Variants in PRPSAP2 observed in about 807,000 individuals in gnomAD.
PRPSAP2 encodes phosphoribosyl pyrophosphate synthase-associated protein 2.
In PRPSAP2, 24 loss-of-function variants were observed where a neutral mutation model predicts 40.6. The ratio of observed to expected loss-of-function variants is 0.59; its 90% CI spans 0.43 to 0.83. The LOEUF (loss-of-function observed/expected upper bound fraction) is 0.83. PRPSAP2 is among the 40% of genes least tolerant of loss of function. The pLI is 0.00. For missense variants in PRPSAP2, 292 were observed against 465.6 expected, an observed-to-expected ratio of 0.63 and a Z score of 3.43; for synonymous variants, 149 against 164.7, an observed-to-expected ratio of 0.90 and a Z score of 0.73.
intron 8 of PRPSAP2, among the ~76,000 whole-genome samples, chr17:18,897,968 G>A (rs971338275): frequency 7.0e-6 from 1 of 142,780 alleles, no homozygotes; most frequent in Non-Finnish European, 1.5e-5. Flanking sequence ...ATTTATAGCA[G>A]TATCAGGCTG....
rs2040790580 is a variant in PRPSAP2 at position 18,909,084 on chromosome 17, T to G, written c.585-2019T>G. ...AAAGCTGATTCTTTGAGAAAATCAA[T>G]GCAATTGATAAACCTTTATCCAGAC... On this transcript the variant is annotated intron_variant, in intron 8 of 11. Transcript: ENST00000268835. Among the ~76,000 whole-genome samples, 3 of 152,126 alleles carry G rather than the reference T, an allele frequency of 2.0e-5. No individual in the cohort carries two copies. The South Asian group carries it at 6.2e-4, about 32-fold the overall frequency.
intron 9 of PRPSAP2, among the ~76,000 whole-genome samples, chr17:18,912,607 T>C (rs1303910464): frequency 6.6e-6 from 1 of 152,164 alleles, no homozygotes; most frequent in Non-Finnish European, 1.5e-5. Flanking sequence ...AAATCAAATA[T>C]GGGTAAGACT....
chr17:18,917,931 T>C (rs2057720776), intron 9 of PRPSAP2, among the ~76,000 whole-genome samples: 1 of 152,020 alleles, frequency 6.6e-6, no homozygotes, highest in African/African-American at 2.4e-5. Flanking sequence ...TGGAGTTATT[T>C]TGTGAGGCTC....
intron 4 of PRPSAP2, among the ~76,000 whole-genome samples, chr17:18,871,447 C>T (rs568060408): frequency 2.0e-5 from 3 of 152,088 alleles, no homozygotes; most frequent in East Asian, 1.9e-4. Context: ...TCACCTCTTC[C>T]GTTTTCTTCC....
intron 8 of PRPSAP2, among the ~76,000 whole-genome samples, chr17:18,893,655 T>A (rs759214705): frequency 3.3e-5 from 5 of 151,880 alleles, no homozygotes; most frequent in Non-Finnish European, 7.4e-5. Context: ...CTTGGGTGGC[T>A]GAGGTGGGAG....
intron 8 of PRPSAP2, among the ~76,000 whole-genome samples, chr17:18,902,120 A>C (rs555007183): frequency 6.6e-6 from 1 of 152,284 alleles, no homozygotes; most frequent in East Asian, 1.9e-4. Flanking sequence ...TAAATACCAG[A>C]AGAACATGAT....
At position 18,877,795 on chromosome 17, in the gene PRPSAP2, T is replaced by TAA; in HGVS notation, c.338_339insAA (p.Tyr113Ter). ...CATTGGCGTGATACCCTACTTTCCT[T>TAA]ACAGCAAGCAGTGCAAGATGAGAAA... ...SIIGVIPYFPYSKQCKMRKRG... is the reference protein window; with the variant it reads ...SIIGVIPYFP The change falls in exon 6 of 12, where the codon TAC becomes TAAAC. Residue 113 changes from tyrosine to a stop codon, truncating the protein, a stop_gained and frameshift_variant. Coordinates refer to ENST00000268835, the MANE Select transcript of PRPSAP2 (RefSeq NM_002767.4). LOFTEE classifies it high-confidence loss of function. The TAA allele has an allele frequency of 6.2e-7, 1 of 1,613,932 alleles. No individual in the cohort carries two copies. The highest frequency in any genetic ancestry group is 8.5e-7 in the Non-Finnish European group (1 of 1,179,870).
chr17:18,859,169 A>G (rs571719048), intron 1 of PRPSAP2, among the ~76,000 whole-genome samples: 15 of 152,230 alleles, frequency 9.9e-5, no homozygotes, highest in Non-Finnish European at 2.1e-4. Context: ...CACTGAGCAT[A>G]TAGCTTTTTC....
At position 18,890,331 on chromosome 17, in the gene PRPSAP2, G is replaced by A. The variant is rs568245294; in HGVS notation, c.584+454G>A. Among the ~76,000 whole-genome samples, 14 of 151,836 alleles carry A rather than the reference G, an allele frequency of 9.2e-5. No homozygotes were observed. The South Asian group carries it at 2.9e-3, about 32-fold the overall frequency. On this transcript the variant is annotated intron_variant, in intron 8 of 11. Coordinates refer to ENST00000268835, the MANE Select transcript of PRPSAP2 (RefSeq NM_002767.4). ...ATTACAGGCGTGCACCACCATGCCT[G>A]GCTAATTTTTGTATTTTTAGTAGAG...
chr17:18,889,245 A>G (rs1205727536), intron 7 of PRPSAP2, among the ~76,000 whole-genome samples: 2 of 152,212 alleles, frequency 1.3e-5, no homozygotes, highest in African/African-American at 4.8e-5. Context: ...TGCTTGTTGT[A>G]TGGTAGGCAT....
At chr17:18,913,534 T>A (rs1318977613) in intron 9 of PRPSAP2, among the ~76,000 whole-genome samples, 1 of 145,214 alleles carries the variant, frequency 6.9e-6, no homozygotes, top group Non-Finnish European at 1.5e-5. Context: ...ATGAATAGCG[T>A]CTGGTTCTTT....
chr17:18,885,031 G>T (rs2039030608), intron 7 of PRPSAP2, among the ~76,000 whole-genome samples: 1 of 152,138 alleles, frequency 6.6e-6, no homozygotes, highest in African/African-American at 2.4e-5. Flanking sequence ...GCTAGTCATT[G>T]CCTGTAGTGC....
intron 8 of PRPSAP2, among the ~76,000 whole-genome samples, chr17:18,906,435 C>T (rs907454541): frequency 1.1e-4 from 17 of 151,960 alleles, no homozygotes; most frequent in Admixed American, 9.8e-4. Context: ...AGGATAGTTT[C>T]GATCTCTTGA....
intron 9 of PRPSAP2, among the ~76,000 whole-genome samples, chr17:18,922,651 G>A (rs1489946445): frequency 2.1e-5 from 3 of 144,424 alleles, no homozygotes; most frequent in East Asian, 2.0e-4. Context: ...GGCATATGGC[G>A]CATATATATA....
chr17:18,875,338 C>A (rs890903896), intron 5 of PRPSAP2, among the ~76,000 whole-genome samples: 8 of 151,914 alleles, frequency 5.3e-5, no homozygotes, highest in Non-Finnish European at 1.2e-4. Context: ...TCGAGGTGGG[C>A]ATATCAGTTG....
chr17:18,893,134 C>T (rs1360213153), intron 8 of PRPSAP2, among the ~76,000 whole-genome samples: 1 of 149,748 alleles, frequency 6.7e-6, no homozygotes, highest in Non-Finnish European at 1.5e-5. Flanking sequence ...GGTTTCAATG[C>T]TGATAAAGTT....
intron 9 of PRPSAP2, chr17:18,917,575 ATTATTATTATTTTTTT>A (rs1178637724): frequency 2.7e-4 from 9 of 33,084 alleles, no homozygotes; most frequent in African/African-American, 7.2e-4. Context: ...TATTATTATT[ATTATTATTATTTTTTT>A]TTTTTTTTTT....
rs537752459 is a variant in PRPSAP2, at chr17:18,916,911, G to A, written c.733+5660G>A. ...CTTGAGCCTTAATCATTTCCCAAAG[G>A]CCCCACTGTTAATACTATCACATTG... On this transcript the variant is annotated intron_variant, in intron 9 of 11. Transcript: ENST00000268835. 7.9e-5 allele frequency among the ~76,000 whole-genome samples: 12 copies of A among 152,258 alleles called. No homozygotes were observed. The South Asian group carries it at 2.5e-3, about 32-fold the overall frequency.
chr17:18,863,828 G>A (rs1447948775), intron 1 of PRPSAP2, among the ~76,000 whole-genome samples: 1 of 109,006 alleles, frequency 9.2e-6, no homozygotes, highest in Non-Finnish European at 1.9e-5. Flanking sequence ...GCCACTGCGT[G>A]GCCTTTTTTT....
Sources: allele counts gnomAD v4.1 joint callset (sites outside exome capture counted in the v4.1 genomes callset), GRCh38; gene constraint gnomAD v4.1.1; transcripts MANE v1.5; gene names NCBI Gene and HGNC (gene_info 2026-07-23, HGNC 2026-07-21).